TENM4: variants seen among roughly 807,000 people sequenced by gnomAD.
TENM4 encodes the protein teneurin transmembrane protein 4, also known as teneurin-4.
Under a neutral mutation model 243.3 loss-of-function variants are expected in TENM4, and 82 were observed. That is an observed-to-expected ratio of 0.34 (90% CI 0.28 to 0.40). The LOEUF (loss-of-function observed/expected upper bound fraction) is 0.40. Among genes scored for constraint, TENM4 ranks in the 10% least tolerant of loss-of-function variants. The pLI, the probability that TENM4 is intolerant of heterozygous loss-of-function variation, is 1.00. For missense variants in TENM4, 3,138 were observed against 3,673.3 expected (o/e 0.85, Z 3.77); for synonymous variants, 1,412 against 1,456.3 (o/e 0.97, Z 0.69).
intron 10 of TENM4, among the ~76,000 whole-genome samples, chr11:78,858,235 C>A (rs1045058174): frequency 1.6e-4 from 24 of 152,260 alleles, no homozygotes; most frequent in African/African-American, 5.8e-4. Flanking sequence ...AGTCAGAGGT[C>A]TGCAGGCCTC....
At chr11:78,971,053 C>A in intron 6 of TENM4, among the ~76,000 whole-genome samples, 1 of 151,750 alleles carries the variant, frequency 6.6e-6, no homozygotes, top group East Asian at 1.9e-4. Flanking sequence ...CTCTGTGTTG[C>A]CCAGGCTAGA....
intron 1 of TENM4, among the ~76,000 whole-genome samples, chr11:79,355,420 C>A (rs1857479444): frequency 6.6e-6 from 1 of 152,252 alleles, no homozygotes; most frequent in South Asian, 2.1e-4. Flanking sequence ...GTAATCCCAG[C>A]TACTCGGGAG....
Position 78,826,779 on chromosome 11 carries a change from A to G in TENM4, c.1682-12384T>C, listed in dbSNP as rs74464789. Among the ~76,000 whole-genome samples, 919 of 152,316 alleles carry G rather than the reference A, an allele frequency of 6.0e-3. 11 individuals are homozygous for G. Among genetic ancestry groups the G allele is most frequent in the African/African-American group, 0.021 (869 of 41,580 alleles). ...GAAAAATCTTCATGTTGGCTTTCAT[A>G]TATCTATTTCGATACTTAGAACTTG... is the stretch of plus-strand genomic sequence containing the variant. On this transcript the variant is annotated intron_variant, in intron 12 of 33. Coordinates refer to ENST00000278550, the MANE Select transcript of TENM4 (RefSeq NM_001098816.3).
intron 23 of TENM4, among the ~76,000 whole-genome samples, chr11:78,725,719 T>A (rs1464914739): frequency 1.3e-5 from 2 of 152,226 alleles, no homozygotes; most frequent in Non-Finnish European, 2.9e-5. Flanking sequence ...CAGGAGTTCT[T>A]GCCAAAGAGA....
chr11:79,214,116 C>T (rs895178723), intron 3 of TENM4, among the ~76,000 whole-genome samples: 12 of 152,080 alleles, frequency 7.9e-5, no homozygotes, highest in Admixed American at 1.3e-4. Flanking sequence ...CTCAGCCTCC[C>T]GAGTAGCTGG....
At chr11:78,751,188 G>A (rs1590992969) in intron 19 of TENM4, among the ~76,000 whole-genome samples, 1 of 152,174 alleles carries the variant, frequency 6.6e-6, no homozygotes, top group East Asian at 1.9e-4. Context: ...GGCAGCTTGT[G>A]TGTTTTTCTC....
chr11:79,139,772 T>TAC (rs1862241574), intron 4 of TENM4, among the ~76,000 whole-genome samples: 1 of 34,796 alleles, frequency 2.9e-5, no homozygotes, highest in African/African-American at 9.6e-5. Context: ...TTTATATAAA[T>TAC]ATATAATATA....
intron 3 of TENM4, among the ~76,000 whole-genome samples, chr11:79,151,060 C>T (rs1043980664): frequency 5.3e-5 from 8 of 152,176 alleles, no homozygotes; most frequent in African/African-American, 1.4e-4. Flanking sequence ...CCTGTGCTCT[C>T]AGCCACTACA....
intron 3 of TENM4, among the ~76,000 whole-genome samples, chr11:79,156,268 A>C (rs1345333962): frequency 6.6e-6 from 1 of 152,192 alleles, no homozygotes; most frequent in African/African-American, 2.4e-5. Context: ...GCTCCTGCCC[A>C]AGTTGGCAGC....
chr11:79,220,526 T>C (rs1056156698), intron 2 of TENM4, among the ~76,000 whole-genome samples: 12 of 152,326 alleles, frequency 7.9e-5, no homozygotes, highest in African/African-American at 2.4e-4. Context: ...AGTATATACA[T>C]AATAATGTAG....
At chr11:79,249,327 A>G (rs773132283) in intron 2 of TENM4, among the ~76,000 whole-genome samples, 2 of 152,242 alleles carry the variant, frequency 1.3e-5, no homozygotes, top group Admixed American at 6.5e-5. Flanking sequence ...ACAAAAGCCG[A>G]GATTTGAACA....
At position 78,676,269 on chromosome 11, in the gene TENM4, G is replaced by A; in HGVS notation, c.5379C>T (p.Pro1793=). ...EPHLLAGTVN[P]TVGKRNVTLP... is the part of the protein sequence containing the mutation. ...GCGTGACATTCCTCTTGCCCACGGT[G>A]GGGTTGACGGTGCCAGCCAGCAAGT... The change falls in exon 30 of 34, where the codon CCC becomes CCT. Residue 1793 remains proline (P), a synonymous_variant. Transcript: ENST00000278550. The A allele has an allele frequency of 6.2e-7, 1 of 1,612,774 alleles. No homozygotes were observed. The highest frequency in any genetic ancestry group is 1.1e-5 in the South Asian group (1 of 91,010).
chr11:78,940,848 T>A (rs1856876345), intron 6 of TENM4, among the ~76,000 whole-genome samples: 1 of 152,162 alleles, frequency 6.6e-6, no homozygotes, highest in Admixed American at 6.5e-5. Context: ...GCCAAGCACT[T>A]ATCCCAATCT....
chr11:79,185,019 C>T lies in TENM4; in HGVS notation c.-163+30789G>A, dbSNP rs554086094. Among the ~76,000 whole-genome samples, 12 of 152,282 alleles carry T rather than the reference C, an allele frequency of 7.9e-5. No individual in the cohort carries two copies. The South Asian group carries it at 2.5e-3, about 32-fold the overall frequency. On this transcript the variant is annotated intron_variant, in intron 3 of 33. Coordinates refer to ENST00000278550, the MANE Select transcript of TENM4 (RefSeq NM_001098816.3). ...TGAAACATAAAAAAGAAATGTTTAG[C>T]TGGGCACAGTGGCTCATGCCTGTAA...
rs570331833 is a variant in TENM4, at chr11:78,656,920, G to A, written c.*1138C>T. Reference sequence around the variant, plus strand: ...GCTTATGCCTTCCTCTCTTTGGCTGGCTTTTTTTGTTAAGCATTTTTCCAG... The same window carrying A: ...GCTTATGCCTTCCTCTCTTTGGCTGACTTTTTTTGTTAAGCATTTTTCCAG... On this transcript the variant is annotated 3_prime_UTR_variant, in exon 34 of 34. Transcript: ENST00000278550. 1.5e-5 allele frequency: 6 copies of A among 397,752 alleles called. No individual in the cohort carries two copies. The South Asian group carries it at 4.2e-4, about 28-fold the overall frequency. 24.6% of individuals were successfully genotyped at this position (397,752 alleles called of 1,614,324 possible). A position where few individuals can be genotyped will look rare whatever the true frequency, so the allele number is the denominator to read the frequency against.
chr11:79,108,660 T>A (rs1861431542), intron 4 of TENM4, among the ~76,000 whole-genome samples: 1 of 151,486 alleles, frequency 6.6e-6, no homozygotes, highest in African/African-American at 2.5e-5. Flanking sequence ...TGTTGTACCC[T>A]GAGAAGGAGA....
At position 78,732,368 on chromosome 11, in the gene TENM4, G is replaced by A. The variant is rs757089839; in HGVS notation, c.3086C>T (p.Thr1029Met). 6.2e-7 allele frequency: 1 copy of A among 1,613,920 alleles called. No individual in the cohort carries two copies. The highest frequency in any genetic ancestry group is 8.5e-7 in the Non-Finnish European group (1 of 1,179,802). ...CTCTGCACAGGAGCTGGCGAAGGAC[G>A]TCAGTGGGGATGGAGAGACGACTGG... ...PNPVVSPSPLTSFASSCAEKG... is the reference protein window; with the variant it reads ...PNPVVSPSPLMSFASSCAEKG... Residue 1029 changes from threonine (T) to methionine (M), a missense_variant, in exon 21 of 34, where the codon ACG becomes ATG. Transcript: ENST00000278550.
chr11:79,301,594 C>A (rs1856549716), intron 1 of TENM4, among the ~76,000 whole-genome samples: 1 of 152,198 alleles, frequency 6.6e-6, no homozygotes, highest in African/African-American at 2.4e-5. Flanking sequence ...TAATGAGAAC[C>A]AGGCTGTATG....
intron 4 of TENM4, among the ~76,000 whole-genome samples, chr11:79,094,097 T>C (rs973214070): frequency 2.0e-5 from 3 of 152,194 alleles, no homozygotes; most frequent in Non-Finnish European, 4.4e-5. Context: ...AAGGTTCCAC[T>C]GGACAGAGCT....
Sources: gnomAD v4.1 joint callset for allele counts (sites outside exome capture counted in the v4.1 genomes callset) on GRCh38, gnomAD v4.1.1 for gene constraint, MANE v1.5 for transcripts, NCBI Gene and HGNC (gene_info 2026-07-23, HGNC 2026-07-21) for gene names.